Variants in MICU3 observed in about 807,000 individuals in gnomAD.
The protein encoded by MICU3 is calcium uptake protein 3, mitochondrial.
Under a neutral mutation model 66.5 loss-of-function variants are expected in MICU3, and 62 were observed. The observed-to-expected ratio is 0.93, with a 90% CI of 0.76 to 1.15. MICU3 has a LOEUF of 1.15. Among genes scored for constraint, MICU3 ranks in the 50% most tolerant of loss-of-function variants. The pLI, the probability that MICU3 is intolerant of heterozygous loss-of-function variation, is 0.00. For missense variants in MICU3, 779 were observed against 664.4 expected (o/e 1.17, Z -1.90); for synonymous variants, 308 against 240.7 (o/e 1.28, Z -2.59).
chr8:17,032,475 G>C (rs181608521), intron 1 of MICU3, among the ~76,000 whole-genome samples: 15 of 151,802 alleles, frequency 9.9e-5, no homozygotes, highest in African/African-American at 2.9e-4. Flanking sequence ...TGATTTGTTC[G>C]CCTTAAAAAG....
chr8:17,037,020 G>A (rs545985059), intron 1 of MICU3, among the ~76,000 whole-genome samples: 5 of 152,330 alleles, frequency 3.3e-5, no homozygotes, highest in African/African-American at 1.2e-4. Flanking sequence ...GGCTGGCACT[G>A]CTGGGGGACC....
chr8:17,035,471 T>C (rs180957410), intron 1 of MICU3, among the ~76,000 whole-genome samples: 3 of 152,304 alleles, frequency 2.0e-5, no homozygotes, highest in African/African-American at 4.8e-5. Flanking sequence ...GACAGTAAAG[T>C]CCAGGCTGAG....
intron 11 of MICU3, among the ~76,000 whole-genome samples, chr8:17,113,621 G>C (rs1219701119): frequency 2.0e-5 from 3 of 152,164 alleles, no homozygotes; most frequent in Non-Finnish European, 4.4e-5. Context: ...TCAGCACTTT[G>C]ATTTTGCATT....
chr8:17,064,910 G>A (rs1424434082), intron 2 of MICU3, among the ~76,000 whole-genome samples: 1 of 152,040 alleles, frequency 6.6e-6, no homozygotes, highest in Admixed American at 6.6e-5. Context: ...ATTGGCTGGT[G>A]GTAGTTGCAG....
intron 8 of MICU3, among the ~76,000 whole-genome samples, chr8:17,092,125 C>T (rs1800132239): frequency 1.3e-5 from 2 of 152,084 alleles, no homozygotes; most frequent in South Asian, 4.1e-4. Flanking sequence ...ATCCACCCAC[C>T]TCGGCCTCCC....
intron 1 of MICU3, among the ~76,000 whole-genome samples, chr8:17,055,021 GCCAC>G (rs1238416452): frequency 6.6e-6 from 1 of 152,128 alleles, no homozygotes; most frequent in African/African-American, 2.4e-5. Flanking sequence ...ACAAGCATGA[GCCAC>G]CGTGCCCAGC....
intron 3 of MICU3, among the ~76,000 whole-genome samples, chr8:17,071,916 A>G (rs928981930): frequency 3.3e-5 from 5 of 152,182 alleles, no homozygotes; most frequent in African/African-American, 1.2e-4. Flanking sequence ...TAAATGGAGA[A>G]CTGTATCATG....
At chr8:17,128,463 T>A in the MICU3 span, among the ~76,000 whole-genome samples, 1 of 152,182 alleles carries the variant, frequency 6.6e-6, no homozygotes, top group African/African-American at 2.4e-5. Context: ...ATATGTGAAA[T>A]TAACTTTGAA....
chr8:17,062,508 A>T (rs996764336), intron 1 of MICU3, among the ~76,000 whole-genome samples: 1 of 152,204 alleles, frequency 6.6e-6, no homozygotes, highest in African/African-American at 2.4e-5. Flanking sequence ...GAAAAGATTA[A>T]TCATTTGCCT....
In MICU3 at chr8:17,064,242, G is replaced by C. The variant is rs754947246; in HGVS notation, c.535+5G>C. ...TTACAACAGATGAGCCCAAAGGTAAGTACACTTTTGAAATTATCTTAATAA... is the reference window on the plus strand; with the variant it reads ...TTACAACAGATGAGCCCAAAGGTAACTACACTTTTGAAATTATCTTAATAA... On this transcript the variant is annotated splice_donor_5th_base_variant and intron_variant, in intron 2 of 14. Coordinates refer to ENST00000318063, the MANE Select transcript of MICU3 (RefSeq NM_181723.3). The C allele has an allele frequency of 3.1e-6, 5 of 1,599,682 alleles. No homozygotes were observed. In the African/African-American group the frequency reaches 6.7e-5, roughly 22 times the overall value.
chr8:17,041,782 G>C (rs1357895142), intron 1 of MICU3, among the ~76,000 whole-genome samples: 1 of 152,174 alleles, frequency 6.6e-6, no homozygotes, highest in Admixed American at 6.5e-5. Context: ...ATTATGACAG[G>C]AGGATGGAAT....
chr8:17,067,605 T>A (rs1187150527), intron 2 of MICU3, among the ~76,000 whole-genome samples: 2 of 152,046 alleles, frequency 1.3e-5, no homozygotes, highest in Non-Finnish European at 2.9e-5. Flanking sequence ...AATTTTTGTA[T>A]TTTTGCAGAG....
chr8:17,032,985 G>A (rs1812350787), intron 1 of MICU3, among the ~76,000 whole-genome samples: 1 of 152,146 alleles, frequency 6.6e-6, no homozygotes, highest in South Asian at 2.1e-4. Flanking sequence ...AGACAGCAAA[G>A]AATAAATGTT....
At chr8:17,059,831 G>C (rs1817545287) in intron 1 of MICU3, among the ~76,000 whole-genome samples, 1 of 152,038 alleles carries the variant, frequency 6.6e-6, no homozygotes, top group Non-Finnish European at 1.5e-5. Flanking sequence ...TTTATTAAAA[G>C]ACATAGTTGA....
chr8:17,128,809 C>G, the MICU3 span, among the ~76,000 whole-genome samples: 2 of 152,098 alleles, frequency 1.3e-5, no homozygotes, highest in African/African-American at 2.4e-5. Flanking sequence ...TTAAGAATAG[C>G]TCAAGTAGCT....
chr8:17,049,080 A>T (rs917542248), intron 1 of MICU3, among the ~76,000 whole-genome samples: 3 of 152,214 alleles, frequency 2.0e-5, no homozygotes, highest in Admixed American at 6.5e-5. Flanking sequence ...TTTCATAAGT[A>T]ACTGAATATT....
downstream of MICU3, among the ~76,000 whole-genome samples, chr8:17,123,007 A>G (rs973835841): frequency 2.0e-5 from 3 of 152,048 alleles, no homozygotes; most frequent in Non-Finnish European, 4.4e-5. Flanking sequence ...CCTACTACTT[A>G]TAGCCATATA....
Position 17,028,197 on chromosome 8 carries a change from G to A in MICU3, c.381+537G>A, listed in dbSNP as rs189760754. On this transcript the variant is annotated intron_variant, in intron 1 of 14. Coordinates refer to ENST00000318063, the MANE Select transcript of MICU3 (RefSeq NM_181723.3). ...ACCCAGGGAATGTTGATGTTACCAG[G>A]TCTGAAAAGAAATAAAAAATTGTTC... 3.3e-5 allele frequency among the ~76,000 whole-genome samples: 5 copies of A among 152,184 alleles called. No individual in the cohort carries two copies. The South Asian group carries it at 6.2e-4, about 19-fold the overall frequency.
chr8:17,077,668 G>A (rs1213944124), intron 3 of MICU3, 115 bp from the exon 4 acceptor site: 3 of 639,370 alleles, frequency 4.7e-6, no homozygotes, highest in Non-Finnish European at 8.1e-6. Context: ...GATAAATAAT[G>A]CCATGTTTCA....
Sources: gnomAD v4.1 joint callset for allele counts (sites outside exome capture counted in the v4.1 genomes callset) on GRCh38, gnomAD v4.1.1 for gene constraint, MANE v1.5 for transcripts, NCBI Gene and HGNC (gene_info 2026-07-23, HGNC 2026-07-21) for gene names.